The following GAB1 variants were observed in gnomAD, a reference collection of about 807,000 sequenced individuals.
GAB1 encodes the protein GRB2 associated binding protein 1.
In GAB1, 19 loss-of-function variants were observed where a neutral mutation model predicts 66.5. The ratio of observed to expected loss-of-function variants is 0.29; its 90% CI spans 0.20 to 0.42. The LOEUF is 0.42. Ranked by LOEUF, GAB1 falls within the 10% of genes least tolerant of loss-of-function variation. GAB1 has a pLI of 1.00. For missense variants in GAB1, 732 were observed against 858.5 expected (o/e 0.85, Z 1.84); for synonymous variants, 294 against 301.4 (o/e 0.98, Z 0.25).
Position 143,447,238 on chromosome 4 carries a change from A to G in GAB1, c.1585+6856A>G, listed in dbSNP as rs28876719. On this transcript the variant is annotated intron_variant, in intron 6 of 9. Transcript: ENST00000262994. ...AGAAGTCAGGTAGTGTGATGCCTCCAGCTTTGTTCTTTTGGCTTAGGATTG... is the reference window on the plus strand; with the variant it reads ...AGAAGTCAGGTAGTGTGATGCCTCCGGCTTTGTTCTTTTGGCTTAGGATTG... 4.0e-3 allele frequency among the ~76,000 whole-genome samples: 602 copies of G among 152,226 alleles called. 5 individuals carry two copies. The highest frequency in any genetic ancestry group is 0.014 in the African/African-American group (577 of 41,532).
intron 2 of GAB1, among the ~76,000 whole-genome samples, chr4:143,432,493 TC>T (rs1289843143): frequency 6.6e-6 from 1 of 152,106 alleles, no homozygotes. Flanking sequence ...AAAATAAACT[TC>T]CAGCAAAGCG....
chr4:143,373,384 A>G (rs1730234025), intron 1 of GAB1, among the ~76,000 whole-genome samples: 1 of 152,228 alleles, frequency 6.6e-6, no homozygotes, highest in Admixed American at 6.5e-5. Flanking sequence ...TCAATAATTA[A>G]TCCTGTTTTA....
chr4:143,446,312 A>G (rs1309666763), intron 6 of GAB1, among the ~76,000 whole-genome samples: 1 of 152,222 alleles, frequency 6.6e-6, no homozygotes, highest in Non-Finnish European at 1.5e-5. Context: ...TATACCCAGT[A>G]ATGGGATGGC....
At chr4:143,366,987 G>T (rs960226416) in intron 1 of GAB1, among the ~76,000 whole-genome samples, 2 of 151,758 alleles carry the variant, frequency 1.3e-5, no homozygotes, top group Non-Finnish European at 2.9e-5. Flanking sequence ...TTTTCCCCTT[G>T]ATTGAATAAC....
At chr4:143,462,189 CTT>C (rs1251688527) in intron 8 of GAB1, among the ~76,000 whole-genome samples, 1 of 152,232 alleles carries the variant, frequency 6.6e-6, no homozygotes, top group East Asian at 1.9e-4. Flanking sequence ...TTTTTAGACA[CTT>C]TTGCTTTTGT....
intron 1 of GAB1, among the ~76,000 whole-genome samples, chr4:143,413,351 A>G (rs1373553465): frequency 3.9e-5 from 6 of 152,236 alleles, no homozygotes; most frequent in Admixed American, 2.6e-4. Flanking sequence ...TATAGTCCAG[A>G]AAACAGTGCT....
intron 1 of GAB1, among the ~76,000 whole-genome samples, chr4:143,362,370 AC>A (rs1160932994): frequency 6.6e-6 from 1 of 152,152 alleles, no homozygotes; most frequent in Non-Finnish European, 1.5e-5. Flanking sequence ...AGAATTCGAG[AC>A]AAATCTGTGG....
intron 6 of GAB1, among the ~76,000 whole-genome samples, chr4:143,459,032 A>C (rs556032045): frequency 1.3e-5 from 2 of 152,244 alleles, no homozygotes; most frequent in African/African-American, 4.8e-5. Flanking sequence ...TTGGTGAAAT[A>C]ATTTATGAAA....
chr4:143,351,396 A>G (rs1286323609), intron 1 of GAB1, among the ~76,000 whole-genome samples: 2 of 152,156 alleles, frequency 1.3e-5, no homozygotes, highest in Non-Finnish European at 2.9e-5. Context: ...TTGTTCGGCC[A>G]GTCGATGGTC....
intron 1 of GAB1, among the ~76,000 whole-genome samples, chr4:143,397,124 A>G (rs1021882681): frequency 5.3e-5 from 8 of 152,208 alleles, no homozygotes; most frequent in East Asian, 1.9e-4. Context: ...CTACTATTTC[A>G]TCTAATGTGA....
chr4:143,406,977 C>G (rs1732080297), intron 1 of GAB1, among the ~76,000 whole-genome samples: 1 of 152,180 alleles, frequency 6.6e-6, no homozygotes, highest in Non-Finnish European at 1.5e-5. Flanking sequence ...GACATACTTT[C>G]CTGTGGAACC....
Position 143,398,607 on chromosome 4 carries a change from A to G in GAB1, c.73-16870A>G, listed in dbSNP as rs549235523. 1.8e-4 allele frequency among the ~76,000 whole-genome samples: 27 copies of G among 152,216 alleles called. No homozygotes were observed. In the South Asian group the frequency reaches 5.6e-3, roughly 32 times the overall value. On this transcript the variant is annotated intron_variant, in intron 1 of 9. Transcript: ENST00000262994. ...GTTTTTTTCAGTGTGTGTCATTTGT[A>G]TAACCCTGGCCGGCTGTCTTGAAAA...
chr4:143,419,228 CAT>C (rs929693199), intron 2 of GAB1, among the ~76,000 whole-genome samples: 15 of 151,788 alleles, frequency 9.9e-5, no homozygotes, highest in African/African-American at 3.4e-4. Flanking sequence ...ATATACAGTG[CAT>C]ATATATATGT....
chr4:143,439,746 AC>A, intron 4 of GAB1, 55 bp from the exon 5 acceptor site: 1 of 1,199,980 alleles, frequency 8.3e-7, no homozygotes, highest in Non-Finnish European at 1.2e-6. Context: ...CATCCCAATG[AC>A]CCTGAGAGCT....
intron 1 of GAB1, among the ~76,000 whole-genome samples, chr4:143,366,760 A>G (rs757176747): frequency 2.4e-4 from 36 of 152,172 alleles, no homozygotes; most frequent in Non-Finnish European, 4.6e-4. Flanking sequence ...GTCTGGCTCT[A>G]TCGTCCAGGC....
intron 1 of GAB1, chr4:143,395,803 A>G (rs1731420337): frequency 2.3e-6 from 1 of 443,518 alleles, no homozygotes; most frequent in East Asian, 7.0e-5. Context: ...ATCCCTCCAC[A>G]TACCCTTTCT....
rs1450969581 is a variant in GAB1, at chr4:143,440,277, C to T, written c.1480C>T (p.His494Tyr). Reference sequence around the variant, plus strand: ...TGGAATGCAAGTTCCTCCTCCTGCTCATATGGGCTTCAGGTCCAGCCCAAA... The same window carrying T: ...TGGAATGCAAGTTCCTCCTCCTGCTTATATGGGCTTCAGGTCCAGCCCAAA... ...SFGMQVPPPAHMGFRSSPKTP... is the reference protein window; with the variant it reads ...SFGMQVPPPAYMGFRSSPKTP... Residue 494 changes from histidine (H) to tyrosine (Y), a missense_variant, in exon 6 of 10, where the codon CAT (histidine) becomes TAT (tyrosine). Transcript: ENST00000262994. 2 of 1,613,972 alleles carry T rather than the reference C, an allele frequency of 1.2e-6. No homozygotes were observed. The highest frequency in any genetic ancestry group is 1.7e-6 in the Non-Finnish European group (2 of 1,179,978).
intron 6 of GAB1, among the ~76,000 whole-genome samples, chr4:143,443,567 AT>A (rs1734351292): frequency 6.6e-6 from 1 of 152,232 alleles, no homozygotes. Flanking sequence ...TATTCATAGC[AT>A]CAGATGAATC....
At chr4:143,458,743 T>A (rs1002396970) in intron 6 of GAB1, among the ~76,000 whole-genome samples, 1 of 152,100 alleles carries the variant, frequency 6.6e-6, no homozygotes, top group African/African-American at 2.4e-5. Flanking sequence ...AAGAGATTTG[T>A]TGCTTAAATT....
Sources: allele counts gnomAD v4.1 joint callset (sites outside exome capture counted in the v4.1 genomes callset), GRCh38; gene constraint gnomAD v4.1.1; transcripts MANE v1.5; gene names NCBI Gene and HGNC (gene_info 2026-07-23, HGNC 2026-07-21).